Variants in RABGAP1L observed in about 807,000 individuals in gnomAD.
RABGAP1L encodes rab GTPase-activating protein 1-like.
In RABGAP1L, 63 loss-of-function variants were observed where a neutral mutation model predicts 137.7. The observed-to-expected ratio is 0.46, with a 90% CI of 0.37 to 0.56. The LOEUF (loss-of-function observed/expected upper bound fraction) is 0.56, where lower values mean the gene tolerates loss of function less well. RABGAP1L is among the 20% of genes least tolerant of loss of function. The probability of loss-of-function intolerance (pLI) is 0.00; values close to 1 mark genes in which losing one functional copy is unlikely to be tolerated. For missense variants in RABGAP1L, 1,095 were observed against 1,244.0 expected, an observed-to-expected ratio of 0.88 and a Z score of 1.80; for synonymous variants, 431 against 433.7, an observed-to-expected ratio of 0.99 and a Z score of 0.08.
Position 174,970,519 on chromosome 1 carries a change from G to A in RABGAP1L, c.2544+1132G>A, listed in dbSNP as rs368742974. ...TTGGCAAATGTAGTTGGTAATATGTGTTAAGACGTTAAAAGGTTTAAGCAA... is the reference window on the plus strand; with the variant it reads ...TTGGCAAATGTAGTTGGTAATATGTATTAAGACGTTAAAAGGTTTAAGCAA... On this transcript the variant is annotated intron_variant, in intron 21 of 25. Transcript: ENST00000681986. Among the ~76,000 whole-genome samples the A allele has an allele frequency of 3.9e-5, 6 of 152,286 alleles. No individual in the cohort carries two copies. In the East Asian group the frequency reaches 1.2e-3, roughly 29 times the overall value.
chr1:174,906,059 C>G (rs1659027924), intron 19 of RABGAP1L, among the ~76,000 whole-genome samples: 1 of 152,036 alleles, frequency 6.6e-6, no homozygotes, highest in African/African-American at 2.4e-5. Context: ...ACTCTATCAC[C>G]CAGGTCGGAG....
chr1:174,652,133 T>G (rs952302121), intron 14 of RABGAP1L, among the ~76,000 whole-genome samples: 2 of 152,218 alleles, frequency 1.3e-5, no homozygotes, highest in African/African-American at 4.8e-5. Context: ...GGGTTAAAAA[T>G]TCTTTTCTTT....
chr1:174,801,328 A>G (rs1688741553), intron 18 of RABGAP1L, among the ~76,000 whole-genome samples: 1 of 152,148 alleles, frequency 6.6e-6, no homozygotes, highest in African/African-American at 2.4e-5. Flanking sequence ...TTTCCTCACT[A>G]TGGTTCTCTC....
At chr1:174,547,155 G>A (rs1666087096) in intron 13 of RABGAP1L, among the ~76,000 whole-genome samples, 1 of 151,226 alleles carries the variant, frequency 6.6e-6, no homozygotes, top group South Asian at 2.1e-4. Flanking sequence ...AAACAGACCT[G>A]TATTCAAATC....
chr1:174,604,919 A>G (rs1007438878), intron 13 of RABGAP1L, among the ~76,000 whole-genome samples: 2 of 152,138 alleles, frequency 1.3e-5, no homozygotes, highest in Non-Finnish European at 2.9e-5. Flanking sequence ...TGAGGCAGGC[A>G]TATCACTTGA....
intron 19 of RABGAP1L, among the ~76,000 whole-genome samples, chr1:174,956,133 C>T (rs1187189228): frequency 6.6e-6 from 1 of 152,114 alleles, no homozygotes; most frequent in Non-Finnish European, 1.5e-5. Context: ...TCTCCTGACA[C>T]CATTATGAGG....
intron 1 of RABGAP1L, among the ~76,000 whole-genome samples, chr1:174,190,427 C>T (rs1469737337): frequency 6.6e-6 from 1 of 151,892 alleles, no homozygotes. Context: ...TACCAAGTTT[C>T]AGGTATTTTT....
At chr1:174,875,384 A>G in intron 19 of RABGAP1L, 1 of 219,628 alleles carries the variant, frequency 4.6e-6, no homozygotes, top group Non-Finnish European at 7.7e-6. Context: ...GGTTACGCTG[A>G]ATGCACTCTC....
At chr1:174,388,638 G>A (rs982758659) in intron 12 of RABGAP1L, among the ~76,000 whole-genome samples, 1 of 151,956 alleles carries the variant, frequency 6.6e-6, no homozygotes, top group Non-Finnish European at 1.5e-5. Flanking sequence ...TAAAGGATTA[G>A]GCAGAATAAT....
At chr1:174,897,384 A>G (rs963517325) in intron 19 of RABGAP1L, 5 of 152,214 alleles carry the variant, frequency 3.3e-5, no homozygotes, top group African/African-American at 1.2e-4. Flanking sequence ...GTAGTTGCTT[A>G]TATATTAAAC....
Position 174,300,319 on chromosome 1 carries a change from A to T in RABGAP1L, c.1324-4667A>T, listed in dbSNP as rs186707057. On this transcript the variant is annotated intron_variant, in intron 10 of 25. Coordinates refer to ENST00000681986, the MANE Select transcript of RABGAP1L (RefSeq NM_001366446.1). ...GGCTGGTGAATCTCCTGAGGTCGGG[A>T]GTTTGAGACCAGCCTGGCCAACGTG... Among the ~76,000 whole-genome samples, 9 of 151,798 alleles carry T rather than the reference A, an allele frequency of 5.9e-5. No individual in the cohort carries two copies. In the East Asian group the frequency reaches 1.8e-3, roughly 30 times the overall value.
chr1:174,196,223 C>T, intron 1 of RABGAP1L, among the ~76,000 whole-genome samples: 1 of 147,694 alleles, frequency 6.8e-6, no homozygotes. Context: ...TTCTTTCTTT[C>T]TTTCTTTTTT....
chr1:174,468,228 A>C (rs1657519817), intron 13 of RABGAP1L, among the ~76,000 whole-genome samples: 1 of 152,144 alleles, frequency 6.6e-6, no homozygotes, highest in Admixed American at 6.5e-5. Context: ...TTACACAAAC[A>C]TTTGTGTGTA....
chr1:174,910,574 G>A (rs542664648), intron 19 of RABGAP1L, among the ~76,000 whole-genome samples: 2 of 151,746 alleles, frequency 1.3e-5, no homozygotes, highest in South Asian at 2.1e-4. Context: ...ATTAGGCAAA[G>A]GAAAGAAATA....
At chr1:174,274,544 A>G (rs1304755107) in intron 8 of RABGAP1L, among the ~76,000 whole-genome samples, 2 of 152,030 alleles carry the variant, frequency 1.3e-5, no homozygotes, top group Admixed American at 6.6e-5. Flanking sequence ...CTATTTGCAT[A>G]AAGAAATCAC....
chr1:174,833,449 G>GAGATATATATATATATATATATATAT (rs1553259972), intron 19 of RABGAP1L, among the ~76,000 whole-genome samples: 6 of 27,826 alleles, frequency 2.2e-4, no homozygotes, highest in Admixed American at 5.9e-4. Flanking sequence ...TGTGTGTAGA[G>GAGATATATATATATATATATATATAT]ATATATATAT....
intron 23 of RABGAP1L, among the ~76,000 whole-genome samples, 151 bp downstream of exon 23, chr1:174,979,041 C>G (rs1052016939): frequency 2.0e-5 from 3 of 151,962 alleles, no homozygotes; most frequent in Admixed American, 6.5e-5. Context: ...TTTAGTTAGC[C>G]AGGCACAGTG....
At chr1:174,969,141 C>T in intron 20 of RABGAP1L, 136 bp from the exon 21 acceptor site, 2 of 652,392 alleles carry the variant, frequency 3.1e-6, no homozygotes, top group Non-Finnish European at 5.5e-6. Flanking sequence ...AGCAATCCTG[C>T]CTTCCTGTGC....
At chr1:174,393,857 A>G (rs945239031) in intron 12 of RABGAP1L, 138 bp from the exon 13 acceptor site, 29 of 850,134 alleles carry the variant, frequency 3.4e-5, no homozygotes, top group Non-Finnish European at 4.3e-5. Context: ...AAGCAGTACT[A>G]TTGTTTAATG....
Sources: allele counts gnomAD v4.1 joint callset (sites outside exome capture counted in the v4.1 genomes callset), GRCh38; gene constraint gnomAD v4.1.1; transcripts MANE v1.5; gene names NCBI Gene and HGNC (gene_info 2026-07-23, HGNC 2026-07-21).